The following LINGO2 variants were observed in gnomAD, a reference collection of about 807,000 sequenced individuals.
LINGO2 encodes the protein leucine-rich repeat and immunoglobulin-like domain-containing nogo receptor-interacting protein 2.
A neutral mutation model predicts 30.6 loss-of-function variants in LINGO2; 14 were observed. The ratio of observed to expected loss-of-function variants is 0.46; its 90% CI spans 0.30 to 0.72. The LOEUF (loss-of-function observed/expected upper bound fraction) is 0.72. LINGO2 is among the 30% of genes least tolerant of loss of function. The probability of loss-of-function intolerance (pLI) is 0.07; values close to 1 mark genes in which losing one functional copy is unlikely to be tolerated. For synonymous variants in LINGO2, 317 were observed against 288.5 expected (o/e 1.10, Z -1.00); for missense variants, 729 against 751.7 (o/e 0.97, Z 0.35).
At chr9:28,460,351 C>A (rs1395214629) in intron 2 of LINGO2, among the ~76,000 whole-genome samples, 1 of 152,070 alleles carries the variant, frequency 6.6e-6, no homozygotes, top group African/African-American at 2.4e-5. Flanking sequence ...GACCTTTGGA[C>A]AAGTGAAATA....
chr9:28,820,558 T>C, the LINGO2 span, among the ~76,000 whole-genome samples: 1 of 152,230 alleles, frequency 6.6e-6, no homozygotes, highest in African/African-American at 2.4e-5. Flanking sequence ...GTTCATTATA[T>C]ATGTCCAGAG....
At chr9:28,348,124 A>C (rs1424022989) in intron 3 of LINGO2, among the ~76,000 whole-genome samples, 1 of 152,178 alleles carries the variant, frequency 6.6e-6, no homozygotes, top group Non-Finnish European at 1.5e-5. Context: ...CATGACAAAA[A>C]TGCTGTTCAC....
intron 1 of LINGO2, among the ~76,000 whole-genome samples, chr9:28,531,944 TA>T (rs1182271484): frequency 1.3e-5 from 2 of 152,232 alleles, no homozygotes; most frequent in African/African-American, 4.8e-5. Flanking sequence ...AATGGCATGT[TA>T]AAATTGTAGC....
chr9:28,807,530 C>T, the LINGO2 span, among the ~76,000 whole-genome samples: 1 of 152,166 alleles, frequency 6.6e-6, no homozygotes, highest in African/African-American at 2.4e-5. Context: ...AGACCAATTT[C>T]TACCCTTGAA....
chr9:28,056,081 T>A (rs1337900753), intron 4 of LINGO2, among the ~76,000 whole-genome samples: 1 of 152,134 alleles, frequency 6.6e-6, no homozygotes, highest in African/African-American at 2.4e-5. Flanking sequence ...AGAAAGGAGC[T>A]CCCCGCTTTC....
chr9:28,821,937 G>T, the LINGO2 span, among the ~76,000 whole-genome samples: 16 of 152,120 alleles, frequency 1.1e-4, no homozygotes, highest in Non-Finnish European at 4.4e-5. Flanking sequence ...TCTCTAAGGG[G>T]TCTTCACTGA....
chr9:28,145,553 C>CGCTTCTGACCTATTTT (rs1406981392), intron 4 of LINGO2, among the ~76,000 whole-genome samples: 5 of 152,028 alleles, frequency 3.3e-5, no homozygotes, highest in Admixed American at 1.3e-4. Context: ...TTCTGAGATG[C>CGCTTCTGACCTATTTT]GCTTCTGACC....
intron 2 of LINGO2, among the ~76,000 whole-genome samples, chr9:28,378,619 T>C (rs1042644412): frequency 6.6e-6 from 1 of 152,150 alleles, no homozygotes; most frequent in Non-Finnish European, 1.5e-5. Flanking sequence ...TACGGAACTG[T>C]TGAGTTAGGC....
At chr9:28,257,136 G>T (rs2134030481) in intron 4 of LINGO2, among the ~76,000 whole-genome samples, 1 of 150,632 alleles carries the variant, frequency 6.6e-6, no homozygotes, top group East Asian at 1.9e-4. Flanking sequence ...TTATTTTTAT[G>T]GAAATATTTA....
chr9:28,047,940 T>C (rs1383783273), intron 4 of LINGO2, among the ~76,000 whole-genome samples: 1 of 150,794 alleles, frequency 6.6e-6, no homozygotes, highest in South Asian at 2.1e-4. Flanking sequence ...AGCAATGTGA[T>C]TTTTTAGAAT....
At chr9:29,100,591 T>C in the LINGO2 span, among the ~76,000 whole-genome samples, 1 of 147,470 alleles carries the variant, frequency 6.8e-6, no homozygotes, top group Non-Finnish European at 1.5e-5. Flanking sequence ...AAGACTCTTA[T>C]CTCAAAAAAA....
chr9:28,738,708 G>A, the LINGO2 span, among the ~76,000 whole-genome samples: 7 of 152,070 alleles, frequency 4.6e-5, 1 homozygote, highest in Middle Eastern at 6.8e-3. Flanking sequence ...TATGAAACAT[G>A]TTGGTTTATT....
At chr9:29,047,471 G>A in the LINGO2 span, among the ~76,000 whole-genome samples, 5 of 152,036 alleles carry the variant, frequency 3.3e-5, no homozygotes, top group Admixed American at 3.3e-4. Context: ...GTTGTGAAAA[G>A]CTCTCAACAT....
chr9:28,009,444 A>G (rs1426936779), intron 5 of LINGO2, among the ~76,000 whole-genome samples: 2 of 152,074 alleles, frequency 1.3e-5, no homozygotes, highest in Non-Finnish European at 2.9e-5. Context: ...AACCCACAGA[A>G]TGCAATAAAA....
intron 2 of LINGO2, among the ~76,000 whole-genome samples, chr9:28,400,606 G>A (rs1473996459): frequency 3.3e-5 from 5 of 152,152 alleles, no homozygotes; most frequent in Admixed American, 6.5e-5. Flanking sequence ...GTAAGGTATC[G>A]TTAATAATAT....
At chr9:28,296,976 T>A (rs1185647990) in intron 3 of LINGO2, among the ~76,000 whole-genome samples, 2 of 152,204 alleles carry the variant, frequency 1.3e-5, no homozygotes, top group Non-Finnish European at 2.9e-5. Context: ...AAAACAAACC[T>A]GTTTTCATGA....
chr9:28,726,153 G>A, the LINGO2 span, among the ~76,000 whole-genome samples: 1 of 152,208 alleles, frequency 6.6e-6, no homozygotes, highest in Middle Eastern at 3.4e-3. Flanking sequence ...CAAATGGTGT[G>A]TTATAACAGT....
the LINGO2 span, among the ~76,000 whole-genome samples, chr9:28,966,112 A>C: frequency 6.6e-6 from 1 of 152,118 alleles, no homozygotes; most frequent in Non-Finnish European, 1.5e-5. Flanking sequence ...TTGGCCCCTT[A>C]GGCTTGTTGA....
intron 4 of LINGO2, among the ~76,000 whole-genome samples, chr9:28,275,534 A>T (rs1294113657): frequency 1.3e-5 from 2 of 151,980 alleles, no homozygotes; most frequent in Admixed American, 1.3e-4. Context: ...TAACACTCTT[A>T]ACTCTTACAC....
Sources: gnomAD v4.1 joint callset for allele counts (sites outside exome capture counted in the v4.1 genomes callset) on GRCh38, gnomAD v4.1.1 for gene constraint, MANE v1.5 for transcripts, NCBI Gene and HGNC (gene_info 2026-07-23, HGNC 2026-07-21) for gene names.